Variants in DPP6 observed in about 807,000 individuals in gnomAD.
DPP6 encodes A-type potassium channel modulatory protein DPP6.
A neutral mutation model predicts 122.6 loss-of-function variants in DPP6; 69 were observed. The ratio of observed to expected loss-of-function variants is 0.56; its 90% CI spans 0.46 to 0.69. The LOEUF is 0.69. Among genes scored for constraint, DPP6 ranks in the 30% least tolerant of loss-of-function variants. The pLI, the probability that DPP6 is intolerant of heterozygous loss-of-function variation, is 0.00. For missense variants in DPP6, 928 were observed against 1,116.9 expected (o/e 0.83, Z 2.41); for synonymous variants, 418 against 433.1 (o/e 0.97, Z 0.43).
intron 3 of DPP6, among the ~76,000 whole-genome samples, chr7:154,504,797 GTT>G (rs34729018): frequency 5.6e-5 from 8 of 142,892 alleles, no homozygotes; most frequent in African/African-American, 1.3e-4. Context: ...GTATCAGGGT[GTT>G]TTTTTTTTTT....
At chr7:154,259,229 A>G (rs934323746) in intron 1 of DPP6, among the ~76,000 whole-genome samples, 1 of 152,248 alleles carries the variant, frequency 6.6e-6, no homozygotes, top group African/African-American at 2.4e-5. Flanking sequence ...CAGGAAATTA[A>G]CCTGATGCTC....
At chr7:153,998,720 T>C (rs1340993236) in intron 1 of DPP6, among the ~76,000 whole-genome samples, 1 of 152,236 alleles carries the variant, frequency 6.6e-6, no homozygotes, top group Admixed American at 6.5e-5. Flanking sequence ...CCCACTGCCC[T>C]TTATCCTCCT....
At chr7:154,623,013 G>A (rs1834795523) in intron 5 of DPP6, among the ~76,000 whole-genome samples, 1 of 152,186 alleles carries the variant, frequency 6.6e-6, no homozygotes, top group African/African-American at 2.4e-5. Flanking sequence ...CTCTGTTGGG[G>A]GTGATGGAGA....
chr7:153,757,486 G>T, the DPP6 span, among the ~76,000 whole-genome samples: 2 of 152,176 alleles, frequency 1.3e-5, no homozygotes, highest in Non-Finnish European at 2.9e-5. Flanking sequence ...AGGTAGAGTG[G>T]AAGGAGGGAA....
chr7:154,812,119 A>G (rs1485440102), intron 16 of DPP6, among the ~76,000 whole-genome samples: 2 of 152,236 alleles, frequency 1.3e-5, no homozygotes, highest in African/African-American at 2.4e-5. Context: ...TTTAACAACT[A>G]GGACAAGGTG....
chr7:153,877,255 CA>C, the DPP6 span, among the ~76,000 whole-genome samples: 1 of 152,060 alleles, frequency 6.6e-6, no homozygotes, highest in Non-Finnish European at 1.5e-5. Flanking sequence ...CCTTAAGACA[CA>C]AATAATACAA....
chr7:154,222,313 C>T (rs1800350660), intron 1 of DPP6, among the ~76,000 whole-genome samples: 1 of 152,176 alleles, frequency 6.6e-6, no homozygotes, highest in South Asian at 2.1e-4. Flanking sequence ...TGGCCTTCCT[C>T]AGGTCCTAAC....
At chr7:154,185,129 A>G (rs1187783042) in intron 1 of DPP6, among the ~76,000 whole-genome samples, 1 of 152,246 alleles carries the variant, frequency 6.6e-6, no homozygotes, top group African/African-American at 2.4e-5. Flanking sequence ...TTGTACTGTT[A>G]AAGCATTAGA....
chr7:154,892,769 C>G lies in DPP6; in HGVS notation c.*289C>G, dbSNP rs747407783. 1.2e-5 allele frequency: 8 copies of G among 644,264 alleles called. No individual in the cohort carries two copies. Among genetic ancestry groups the G allele is most frequent in the Non-Finnish European group, 2.3e-5 (8 of 347,132 alleles). 39.9% of individuals were successfully genotyped at this position (644,264 alleles called of 1,614,324 possible). On this transcript the variant is annotated 3_prime_UTR_variant, in exon 26 of 26. Transcript: ENST00000377770. The stretch of plus-strand genomic sequence containing the variant: ...ACGGCCCCTCCCCCAAGGAACAGAG[C>G]AAAGGATGGTGGCCGCAGGCCCCAC...
intron 1 of DPP6, among the ~76,000 whole-genome samples, chr7:154,133,901 G>C (rs1202185045): frequency 2.6e-5 from 4 of 150,956 alleles, no homozygotes; most frequent in Non-Finnish European, 5.9e-5. Context: ...CTGCATCCAC[G>C]CCCCCCATGG....
intron 1 of DPP6, among the ~76,000 whole-genome samples, chr7:154,230,639 C>T (rs559296035): frequency 6.6e-6 from 1 of 152,324 alleles, no homozygotes; most frequent in East Asian, 1.9e-4. Context: ...AAGATTGGGG[C>T]TAGCCCAAAA....
chr7:154,887,867 A>C, intron 23 of DPP6, 133 bp downstream of exon 23: 2 of 1,047,380 alleles, frequency 1.9e-6, no homozygotes, highest in South Asian at 2.5e-5. Context: ...ACCAAAGCCC[A>C]CTCAGAAACC....
intron 7 of DPP6, among the ~76,000 whole-genome samples, chr7:154,687,552 CCTTT>C (rs1423582259): frequency 2.0e-5 from 3 of 151,972 alleles, no homozygotes; most frequent in African/African-American, 4.8e-5. Context: ...GTTGTTTGCC[CCTTT>C]CTTATTGATG....
At chr7:154,130,196 G>A (rs1459077122) in intron 1 of DPP6, among the ~76,000 whole-genome samples, 2 of 152,280 alleles carry the variant, frequency 1.3e-5, no homozygotes, top group African/African-American at 4.8e-5. Context: ...CTAGTGAGGG[G>A]TGTGTGACAT....
At chr7:154,145,233 G>A (rs1368566763) in intron 1 of DPP6, among the ~76,000 whole-genome samples, 4 of 152,220 alleles carry the variant, frequency 2.6e-5, no homozygotes, top group African/African-American at 4.8e-5. Flanking sequence ...TAGTCACAGA[G>A]GAGGCGACTA....
At position 154,052,679 on chromosome 7, in the gene DPP6, G is replaced by A; in HGVS notation, c.-142G>A. The A allele has an allele frequency of 8.1e-7, 1 of 1,236,478 alleles. No individual in the cohort carries two copies. The highest frequency in any genetic ancestry group is 1.0e-6 in the Non-Finnish European group (1 of 975,780). 76.6% of individuals were successfully genotyped at this position (1,236,478 alleles called of 1,614,324 possible). A position where few individuals can be genotyped will look rare whatever the true frequency, so the allele number is the denominator to read the frequency against. ...GCGGGAGGAGCGGCCGCCGGCGCTG[G>A]GCTTGCCTTGCTGCTGCTGCTGCTG... On this transcript the variant is annotated 5_prime_UTR_variant, in exon 1 of 26. Coordinates refer to ENST00000377770, the MANE Select transcript of DPP6 (RefSeq NM_130797.4). The surrounding 1 kb of genome is among the most constrained non-coding windows in gnomAD (Gnocchi z 4.8).
chr7:153,798,900 C>T, the DPP6 span, among the ~76,000 whole-genome samples: 2 of 152,138 alleles, frequency 1.3e-5, no homozygotes, highest in African/African-American at 2.4e-5. Context: ...AGACTAGATC[C>T]CTTACACGGG....
chr7:154,883,440 T>G (rs1269951140), intron 21 of DPP6: 1 of 78,568 alleles, frequency 1.3e-5, no homozygotes, highest in Non-Finnish European at 2.5e-5. Context: ...ACGCTCACAT[T>G]CACACACATG....
chr7:154,060,717 G>C (rs1252268462), intron 1 of DPP6, among the ~76,000 whole-genome samples: 478 of 85,642 alleles, frequency 5.6e-3, no homozygotes, highest in African/African-American at 0.012. Context: ...CCCATCGCAG[G>C]GGGGGAGGCA....
Sources: allele counts gnomAD v4.1 joint callset (sites outside exome capture counted in the v4.1 genomes callset), GRCh38; gene constraint gnomAD v4.1.1; non-coding constraint Gnocchi (gnomAD v3.1); transcripts MANE v1.5; gene names NCBI Gene and HGNC (gene_info 2026-07-23, HGNC 2026-07-21).